The following KAZN variants were observed in gnomAD, a reference collection of about 807,000 sequenced individuals.
The protein encoded by KAZN is kazrin.
KAZN carries 40 observed loss-of-function variants against 87.4 expected under a neutral mutation model. The observed-to-expected ratio is 0.46, with a 90% CI of 0.36 to 0.60. The LOEUF (loss-of-function observed/expected upper bound fraction) is 0.60, where lower values mean the gene tolerates loss of function less well. Among genes scored for constraint, KAZN ranks in the 20% least tolerant of loss-of-function variants. The pLI, the probability that KAZN is intolerant of heterozygous loss-of-function variation, is 0.00. For missense variants in KAZN, 898 were observed against 1,073.9 expected, an observed-to-expected ratio of 0.84 and a Z score of 2.29; for synonymous variants, 466 against 458.3, an observed-to-expected ratio of 1.02 and a Z score of -0.22.
intron 2 of KAZN, among the ~76,000 whole-genome samples, chr1:14,292,675 T>C (rs1384999015): frequency 6.6e-6 from 1 of 152,208 alleles, no homozygotes; most frequent in Non-Finnish European, 1.5e-5. Context: ...CTCTGGGTGA[T>C]AAATGTGCTC....
chr1:14,286,944 G>A (rs903301332), intron 2 of KAZN, among the ~76,000 whole-genome samples: 1 of 152,076 alleles, frequency 6.6e-6, no homozygotes, highest in African/African-American at 2.4e-5. Flanking sequence ...GTGGGGAGAG[G>A]AGCCTATTTC....
At chr1:14,394,544 CAT>C (rs140844672) in intron 2 of KAZN, among the ~76,000 whole-genome samples, 2,786 of 152,310 alleles carry the variant, frequency 0.018, 86 homozygotes, top group African/African-American at 0.063. Flanking sequence ...CACGTTATCA[CAT>C]ATGACTGTCA....
At chr1:14,612,404 C>T (rs367826674) in intron 1 of KAZN, among the ~76,000 whole-genome samples, 9 of 152,234 alleles carry the variant, frequency 5.9e-5, no homozygotes, top group African/African-American at 4.8e-5. Context: ...AGATGCAGGG[C>T]GGGACACTTG....
chr1:14,171,624 A>C (rs2100262954), intron 1 of KAZN, among the ~76,000 whole-genome samples: 1 of 152,370 alleles, frequency 6.6e-6, no homozygotes, highest in Admixed American at 6.5e-5. Context: ...AGGTTGTTTA[A>C]CATGCAGAGA....
At chr1:14,928,552 C>A (rs970498822) in intron 1 of KAZN, among the ~76,000 whole-genome samples, 1 of 152,090 alleles carries the variant, frequency 6.6e-6, no homozygotes, top group African/African-American at 2.4e-5. Flanking sequence ...CCTTGACATT[C>A]CTTGTTTTAA....
intron 1 of KAZN, among the ~76,000 whole-genome samples, chr1:14,771,886 C>T (rs753620592): frequency 2.0e-5 from 3 of 152,052 alleles, no homozygotes; most frequent in Non-Finnish European, 4.4e-5. Flanking sequence ...CCCCAAACTC[C>T]TGTAAAGAAT....
intron 2 of KAZN, among the ~76,000 whole-genome samples, chr1:14,360,862 G>A (rs564036467): frequency 2.6e-5 from 4 of 152,298 alleles, no homozygotes; most frequent in East Asian, 1.9e-4. Context: ...TCTCCTGTAC[G>A]AGGTGCCTGT....
intron 1 of KAZN, among the ~76,000 whole-genome samples, chr1:14,143,858 C>T (rs982650483): frequency 2.0e-5 from 3 of 152,170 alleles, no homozygotes; most frequent in East Asian, 1.9e-4. Flanking sequence ...GCTGGGAGCA[C>T]AAGCCTGTGC....
intron 1 of KAZN, among the ~76,000 whole-genome samples, chr1:14,958,561 G>A (rs183467890): frequency 1.3e-5 from 2 of 152,338 alleles, no homozygotes; most frequent in South Asian, 2.1e-4. Context: ...GGTTAGACCC[G>A]TTTAACAGAT....
intron 1 of KAZN, among the ~76,000 whole-genome samples, chr1:14,933,078 A>G (rs1475374548): frequency 1.3e-5 from 2 of 152,068 alleles, no homozygotes; most frequent in African/African-American, 2.4e-5. Context: ...CCGTAGTTGC[A>G]GGGTTCTGCA....
chr1:14,989,291 C>T (rs1361408482), intron 2 of KAZN, among the ~76,000 whole-genome samples: 1 of 152,186 alleles, frequency 6.6e-6, no homozygotes, highest in African/African-American at 2.4e-5. Flanking sequence ...GCCAGGCCAA[C>T]ATGGTGAAAC....
intron 1 of KAZN, among the ~76,000 whole-genome samples, chr1:14,153,104 A>G (rs532204841): frequency 1.3e-5 from 2 of 152,354 alleles, no homozygotes; most frequent in Admixed American, 6.5e-5. Context: ...ATCCCTTGTC[A>G]GATGGGTAGT....
intron 2 of KAZN, among the ~76,000 whole-genome samples, chr1:15,011,358 C>T (rs1669556498): frequency 6.6e-6 from 1 of 152,242 alleles, no homozygotes; most frequent in Non-Finnish European, 1.5e-5. Flanking sequence ...TTCCAAAATG[C>T]TCAGGGGTCT....
chr1:14,315,941 G>A (rs1408945539), intron 2 of KAZN, among the ~76,000 whole-genome samples: 2 of 151,756 alleles, frequency 1.3e-5, no homozygotes, highest in African/African-American at 4.8e-5. Context: ...TATGTCTAAT[G>A]GCAAATATCA....
intron 1 of KAZN, among the ~76,000 whole-genome samples, chr1:14,150,135 A>T (rs1645441277): frequency 1.3e-5 from 2 of 152,178 alleles, no homozygotes; most frequent in African/African-American, 4.8e-5. Context: ...AGCTAAAGAA[A>T]TAGAGGTTCC....
chr1:14,990,761 C>A (rs1667273312), intron 2 of KAZN, among the ~76,000 whole-genome samples: 1 of 151,810 alleles, frequency 6.6e-6, no homozygotes, highest in Non-Finnish European at 1.5e-5. Flanking sequence ...GTTATGCCCC[C>A]TAAAAATTCA....
intron 2 of KAZN, among the ~76,000 whole-genome samples, chr1:15,001,018 G>C (rs568849920): frequency 9.6e-6 from 1 of 104,444 alleles, no homozygotes; most frequent in South Asian, 4.3e-4. Flanking sequence ...CAGGAGAGTC[G>C]CTTGAGCCCA....
intron 1 of KAZN, among the ~76,000 whole-genome samples, chr1:14,619,392 G>T (rs1408285447): frequency 6.6e-6 from 1 of 151,888 alleles, no homozygotes; most frequent in Non-Finnish European, 1.5e-5. Flanking sequence ...TAAAGACAGG[G>T]TCTCGCCATG....
Position 14,198,512 on chromosome 1 carries a change from A to G in KAZN, c.249+17920A>G, listed in dbSNP as rs115710596. Among the ~76,000 whole-genome samples, 1,009 of 152,316 alleles carry G rather than the reference A, an allele frequency of 6.6e-3. 12 individuals are homozygous for G. Among genetic ancestry groups the G allele is most frequent in the African/African-American group, 0.023 (972 of 41,564 alleles). On this transcript the variant is annotated intron_variant, in intron 2 of 16. Transcript: ENST00000636203. ...CTACTCAGGAGGCTGAGGCACAAGA[A>G]TCAATTGAACTGGGGAGGTGGAGAT...
Sources: allele counts gnomAD v4.1 joint callset (sites outside exome capture counted in the v4.1 genomes callset), GRCh38; gene constraint gnomAD v4.1.1; transcripts MANE v1.5; gene names NCBI Gene and HGNC (gene_info 2026-07-23, HGNC 2026-07-21).